The following CAP1 variants were observed in gnomAD, a reference collection of about 807,000 sequenced individuals.
CAP1 encodes the protein adenylyl cyclase-associated protein 1.
Under a neutral mutation model 58.2 loss-of-function variants are expected in CAP1, and 11 were observed. That is an observed-to-expected ratio of 0.19 (90% CI 0.12 to 0.31). The LOEUF (loss-of-function observed/expected upper bound fraction) is 0.31. Ranked by LOEUF, CAP1 falls within the 10% of genes least tolerant of loss-of-function variation. CAP1 has a pLI of 1.00. For synonymous variants in CAP1, 183 were observed against 213.8 expected (o/e 0.86, Z 1.26); for missense variants, 423 against 587.5 (o/e 0.72, Z 2.89).
chr1:40,048,050 CT>C (rs869236451), intron 1 of CAP1, among the ~76,000 whole-genome samples: 367 of 144,622 alleles, frequency 2.5e-3, no homozygotes, highest in Admixed American at 2.2e-3. Context: ...TAGATGGCAT[CT>C]TTTTTTTTTT....
chr1:40,049,057 C>T (rs369602965), intron 1 of CAP1, among the ~76,000 whole-genome samples: 3 of 152,024 alleles, frequency 2.0e-5, no homozygotes, highest in South Asian at 2.1e-4. Flanking sequence ...AAGAACTGCA[C>T]GCATAACCTG....
intron 1 of CAP1, 148 bp from the exon 2 acceptor site, chr1:40,059,189 G>T: frequency 1.8e-6 from 1 of 548,426 alleles, no homozygotes; most frequent in Non-Finnish European, 3.3e-6. Flanking sequence ...CCATTTTGCA[G>T]ATGATATCTA....
intron 8 of CAP1, among the ~76,000 whole-genome samples, chr1:40,068,355 C>CCACCT (rs1647205749): frequency 6.6e-6 from 1 of 152,122 alleles, no homozygotes; most frequent in Non-Finnish European, 1.5e-5. Context: ...ACCGCAACCT[C>CCACCT]CACCTCCCAG....
intron 4 of CAP1, among the ~76,000 whole-genome samples, chr1:40,062,620 C>T (rs1396892105): frequency 6.6e-6 from 1 of 151,876 alleles, no homozygotes; most frequent in African/African-American, 2.4e-5. Flanking sequence ...ATAAAAATAG[C>T]CAGGCAAGGT....
intron 1 of CAP1, among the ~76,000 whole-genome samples, chr1:40,042,888 G>A (rs1475652643): frequency 6.6e-6 from 1 of 152,156 alleles, no homozygotes; most frequent in East Asian, 1.9e-4. Context: ...GAAGAGGTAA[G>A]AATAGCGCGA....
At position 40,066,248 on chromosome 1, in the gene CAP1, T is replaced by C; in HGVS notation, c.558T>C (p.Tyr186=). 1 of 1,610,358 alleles carries C rather than the reference T, an allele frequency of 6.2e-7. No homozygotes were observed. Among genetic ancestry groups the C allele is most frequent in the Non-Finnish European group, 8.5e-7 (1 of 1,177,512 alleles). The stretch of plus-strand genomic sequence containing the variant: ...AGCATGTAGACTGGGTCAAAGCTTA[T>C]TTAAGTATATGGACAGAGCTGCAGG... ...DKKHVDWVKA[Y]LSIWTELQAY... Residue 186 remains tyrosine, a synonymous_variant, in exon 7 of 13, where the codon TAT becomes TAC. Coordinates refer to ENST00000372805, the MANE Select transcript of CAP1 (RefSeq NM_006367.4).
rs757448303 is a variant in CAP1, at chr1:40,067,640, C to G, written c.731C>G (p.Thr244Ser). Reference protein sequence around the residue: ...PPCPPPPPVSTISCSYESASR... With the variant: ...PPCPPPPPVSSISCSYESASR... ...TGCCCCCCTCCTCCCCCAGTCTCTACCATTTCATGCTCATATGAGTCTGCT... is the reference window on the plus strand; with the variant it reads ...TGCCCCCCTCCTCCCCCAGTCTCTAGCATTTCATGCTCATATGAGTCTGCT... Residue 244 changes from threonine to serine, a missense_variant, in exon 8 of 13, where the codon ACC (threonine) becomes AGC (serine). By Grantham distance (58) the Thr-to-Ser change is moderately conservative (BLOSUM62 1). Coordinates refer to ENST00000372805, the MANE Select transcript of CAP1 (RefSeq NM_006367.4). 6.3e-7 allele frequency: 1 copy of G among 1,579,508 alleles called. No individual in the cohort carries two copies. Among genetic ancestry groups the G allele is most frequent in the Non-Finnish European group, 8.7e-7 (1 of 1,155,536 alleles).
chr1:40,048,333 GCACCT>G (rs1646200217), intron 1 of CAP1, among the ~76,000 whole-genome samples: 1 of 113,522 alleles, frequency 8.8e-6, no homozygotes, highest in African/African-American at 4.0e-5. Context: ...ATGAGCCATT[GCACCT>G]GGCCTTACAG....
intron 7 of CAP1, 41 bp from the exon 8 acceptor site, chr1:40,067,499 A>G (rs891263195): frequency 6.5e-7 from 1 of 1,548,370 alleles, no homozygotes; most frequent in African/African-American, 1.4e-5. Context: ...TACAGAGGGG[A>G]GCAGAGAGGA....
chr1:40,057,104 A>G (rs888966857), intron 1 of CAP1, among the ~76,000 whole-genome samples: 3 of 152,258 alleles, frequency 2.0e-5, no homozygotes, highest in African/African-American at 7.2e-5. Context: ...ATTATTAAGC[A>G]TTTAAGATTG....
chr1:40,053,669 A>T (rs763573842), intron 1 of CAP1, among the ~76,000 whole-genome samples: 2 of 151,864 alleles, frequency 1.3e-5, no homozygotes, highest in Non-Finnish European at 2.9e-5. Flanking sequence ...CTGGTCTCGA[A>T]CTCCCGACCT....
intron 4 of CAP1, among the ~76,000 whole-genome samples, chr1:40,062,712 C>T (rs1646903724): frequency 6.6e-6 from 1 of 151,708 alleles, no homozygotes; most frequent in South Asian, 2.1e-4. Context: ...ATGCAGTGAG[C>T]CATGAACACA....
chr1:40,057,074 C>G (rs1646649871), intron 1 of CAP1, among the ~76,000 whole-genome samples: 2 of 152,142 alleles, frequency 1.3e-5, no homozygotes, highest in Admixed American at 6.5e-5. Flanking sequence ...AAAAAGGGAG[C>G]CAAAGTCCCA....
At chr1:40,045,914 C>T (rs949074589) in intron 1 of CAP1, among the ~76,000 whole-genome samples, 26 of 152,068 alleles carry the variant, frequency 1.7e-4, no homozygotes, top group African/African-American at 5.8e-4. Context: ...TCTTAAACCC[C>T]TGGCCTCAGG....
chr1:40,047,684 G>A (rs142588482), intron 1 of CAP1, among the ~76,000 whole-genome samples: 76 of 152,344 alleles, frequency 5.0e-4, no homozygotes, highest in African/African-American at 1.7e-3. Context: ...AGGGACTGCC[G>A]AGTGCTCTGT....
At chr1:40,068,732 G>A (rs965897642) in intron 8 of CAP1, among the ~76,000 whole-genome samples, 4 of 152,102 alleles carry the variant, frequency 2.6e-5, no homozygotes, top group African/African-American at 9.7e-5. Context: ...CATAGATCTG[G>A]CCATGTTCAA....
intron 11 of CAP1, 74 bp downstream of exon 11, chr1:40,070,586 G>A: frequency 8.1e-7 from 1 of 1,234,994 alleles, no homozygotes; most frequent in Non-Finnish European, 1.2e-6. Context: ...ACCCACAGAT[G>A]TTGCTTTGGT....
At chr1:40,048,250 C>G (rs1042195737) in intron 1 of CAP1, among the ~76,000 whole-genome samples, 1 of 151,970 alleles carries the variant, frequency 6.6e-6, no homozygotes, top group Non-Finnish European at 1.5e-5. Context: ...GCCATGTTGG[C>G]CAGGCTGGTC....
At chr1:40,069,281 A>T (rs1041875112) in intron 8 of CAP1, among the ~76,000 whole-genome samples, 1 of 152,156 alleles carries the variant, frequency 6.6e-6, no homozygotes, top group Non-Finnish European at 1.5e-5. Context: ...GCCAACACTG[A>T]CTGAGGAGGT....
Sources: gnomAD v4.1 joint callset for allele counts (sites outside exome capture counted in the v4.1 genomes callset) on GRCh38, gnomAD v4.1.1 for gene constraint, MANE v1.5 for transcripts, NCBI Gene and HGNC (gene_info 2026-07-23, HGNC 2026-07-21) for gene names.